TBC1D8B: variants seen among roughly 807,000 people sequenced by gnomAD.
TBC1D8B encodes the protein RP11-321G1.1.
A neutral mutation model predicts 82.9 loss-of-function variants in TBC1D8B; 75 were observed. The observed-to-expected ratio is 0.90, with a 90% CI of 0.75 to 1.10. The LOEUF is 1.10. Ranked by LOEUF, TBC1D8B falls within the 50% of genes least tolerant of loss-of-function variation. The pLI is 0.00. For synonymous variants in TBC1D8B, 276 were observed against 276.8 expected (o/e 1.00, Z 0.03); for missense variants, 794 against 796.9 (o/e 1.00, Z 0.04).
chrX:106,864,512 CTTT>C (rs771983121), intron 14 of TBC1D8B, among the ~76,000 whole-genome samples: 111 of 82,441 alleles, frequency 1.3e-3, no homozygotes, highest in African/African-American at 5.3e-3. Context: ...TGCTGGGCAC[CTTT>C]TTTTTTTTTT....
intron 2 of TBC1D8B, among the ~76,000 whole-genome samples, chrX:106,820,037 T>C (rs1218043375): frequency 9.0e-6 from 1 of 110,839 alleles, no homozygotes; most frequent in Admixed American, 9.7e-5. Flanking sequence ...TTGTAGGAAA[T>C]AGGCCATTTG....
chrX:106,834,371 A>G (rs889082685), intron 7 of TBC1D8B, among the ~76,000 whole-genome samples: 2 of 111,098 alleles, frequency 1.8e-5, no homozygotes, highest in Non-Finnish European at 3.8e-5. Context: ...CCATGATTCA[A>G]TTATCTCCAC....
rs1247529670 is a variant in TBC1D8B at position 106,827,040 on chromosome X, G to A, written c.1036-130G>A. On this transcript the variant is annotated intron_variant, in intron 6 of 20. Coordinates refer to ENST00000357242, the MANE Select transcript of TBC1D8B (RefSeq NM_017752.3). ...ATGATTGGTGCAACTAGTACCCAAAGTCTATTTCTTAATAAGTCATACTAT... is the reference window on the plus strand; with the variant it reads ...ATGATTGGTGCAACTAGTACCCAAAATCTATTTCTTAATAAGTCATACTAT... 7 of 667,603 alleles carry A rather than the reference G, an allele frequency of 1.0e-5. No individual in the cohort carries two copies. In the East Asian group the frequency reaches 2.3e-4, roughly 22 times the overall value. The allele number at this position is 667,603 out of a possible 1,213,427, so 55.0% of individuals were successfully genotyped here. A position where few individuals can be genotyped will look rare whatever the true frequency, so the allele number is the denominator to read the frequency against.
Position 106,865,958 on chromosome X carries a change from G to A in TBC1D8B, c.2587G>A (p.Ala863Thr). 4 of 1,207,615 alleles carry A rather than the reference G, an allele frequency of 3.3e-6. No homozygotes were observed. Among genetic ancestry groups the A allele is most frequent in the Non-Finnish European group, 4.5e-6 (4 of 892,782 alleles). ...WAHSANKDSL[A>T]LWTFRLLDEN... ...TCATTCTGCAAATAAAGACTCACTA[G>A]CTTTATGGACATTCAGATTGTTAGA... Residue 863 changes from alanine (A) to threonine (T), a missense_variant, in exon 16 of 21, where the codon GCT (alanine) becomes ACT (threonine). Physicochemically the swap from Ala to Thr is moderately conservative, Grantham distance 58. Coordinates refer to ENST00000357242, the MANE Select transcript of TBC1D8B (RefSeq NM_017752.3).
chrX:106,839,914 G>C (rs191992069), intron 8 of TBC1D8B, 134 bp from the exon 9 acceptor site: 134 of 583,103 alleles, frequency 2.3e-4, no homozygotes, highest in Non-Finnish European at 3.3e-4. Context: ...TCACCCCTGG[G>C]TGAATACTGA....
At chrX:106,809,653 G>A (rs754060957) in intron 1 of TBC1D8B, among the ~76,000 whole-genome samples, 2 of 110,458 alleles carry the variant, frequency 1.8e-5, no homozygotes, top group Non-Finnish European at 3.8e-5. Context: ...GGAGGCCGAG[G>A]CAGATGTATC....
intron 10 of TBC1D8B, among the ~76,000 whole-genome samples, chrX:106,842,628 TATCTATCTATC>T (rs1932339455): frequency 9.2e-6 from 1 of 108,527 alleles, no homozygotes; most frequent in Admixed American, 1.0e-4. Flanking sequence ...TCTATCTATC[TATCTATCTATC>T]TATCTATCTA....
intron 17 of TBC1D8B, among the ~76,000 whole-genome samples, chrX:106,867,948 T>TA (rs762046892): frequency 1.8e-5 from 2 of 111,303 alleles, no homozygotes; most frequent in South Asian, 7.5e-4. Context: ...AACAGAGGGA[T>TA]AAAAAAATAG....
rs11432144 is a variant in TBC1D8B, at chrX:106,805,072, C to CTTTTTTTTTT, written c.130+2102_130+2111dup. The stretch of plus-strand genomic sequence containing the variant: ...TTTTTTTTAACTTGTTGCAAGTTTC[C>CTTTTTTTTTT]TTTTTTTTTTTTTTTTTTTTTTGTT... On this transcript the variant is annotated intron_variant, in intron 1 of 20. Transcript: ENST00000357242. Among the ~76,000 whole-genome samples, 153 of 54,575 alleles carry CTTTTTTTTTT rather than the reference C, an allele frequency of 2.8e-3. 2 individuals are homozygous for CTTTTTTTTTT. The highest frequency in any genetic ancestry group is 8.4e-3 in the African/African-American group (106 of 12,658). The allele number at this position is 54,575 out of a possible 115,157, so 47.4% of individuals were successfully genotyped here. A position where few individuals can be genotyped will look rare whatever the true frequency, so the allele number is the denominator to read the frequency against.
chrX:106,854,262 T>C lies in TBC1D8B; in HGVS notation c.2318T>C (p.Ile773Thr), dbSNP rs765963353. 3.4e-6 allele frequency: 4 copies of C among 1,190,592 alleles called. No homozygotes were observed. Among genetic ancestry groups the C allele is most frequent in the African/African-American group, 3.6e-5 (2 of 56,095 alleles). Residue 773 changes from isoleucine to threonine, a missense_variant, in exon 14 of 21, where the codon ATA becomes ACA. Ile to Thr is a moderately conservative substitution (Grantham distance 89). Coordinates refer to ENST00000357242, the MANE Select transcript of TBC1D8B (RefSeq NM_017752.3). ...CGCTGTCGAAATAGGTTGTATGTGA[T>C]ACAGACCCTAGAGGAAACAACAAAA... ...SMRCRNRLYV[I>T]QTLEETTKQN...
rs756464220 is a variant in TBC1D8B, at chrX:106,823,216, T to A, written c.587-10T>A. On this transcript the variant is annotated splice_polypyrimidine_tract_variant and intron_variant, in intron 4 of 20. Coordinates refer to ENST00000357242, the MANE Select transcript of TBC1D8B (RefSeq NM_017752.3). ...ATTTAATCATACCTGCTTATACCTC[T>A]TATTTGCAGTAAAACTCATTATCTC... 14 of 1,201,784 alleles carry A rather than the reference T, an allele frequency of 1.2e-5. 1 individual carries two copies. Among genetic ancestry groups the A allele is most frequent in the Non-Finnish European group, 1.6e-5 (14 of 888,802 alleles).
intron 12 of TBC1D8B, among the ~76,000 whole-genome samples, chrX:106,851,904 A>T (rs1297019957): frequency 9.0e-6 from 1 of 111,186 alleles, no homozygotes; most frequent in Non-Finnish European, 1.9e-5. Flanking sequence ...TAGCAGCATG[A>T]TTTATAATCC....
At position 106,827,213 on chromosome X, in the gene TBC1D8B, T is replaced by G. The variant is rs994504771; in HGVS notation, c.1079T>G (p.Ile360Ser). ...DKTNDSSKSVIISIKGKTAFR... is the reference protein window; with the variant it reads ...DKTNDSSKSVSISIKGKTAFR... ...ACAAATGATTCCAGCAAATCTGTCA[T>G]CATTAGCATCAAAGGAAAAACAGCT... Residue 360 changes from isoleucine (I) to serine (S), a missense_variant, in exon 7 of 21, where the codon ATC becomes AGC. By Grantham distance (142) the Ile-to-Ser change is moderately radical. Transcript: ENST00000357242. The G allele has an allele frequency of 1.7e-6, 2 of 1,209,612 alleles. No individual in the cohort carries two copies. Among genetic ancestry groups the G allele is most frequent in the African/African-American group, 3.5e-5 (2 of 57,241 alleles).
chrX:106,824,297 G>A (rs1306340700), intron 5 of TBC1D8B, among the ~76,000 whole-genome samples: 2 of 111,018 alleles, frequency 1.8e-5, no homozygotes, highest in Non-Finnish European at 3.8e-5. Flanking sequence ...AGGAACCTAA[G>A]CCAAAGTCCT....
At chrX:106,834,002 C>T (rs1172516968) in intron 7 of TBC1D8B, among the ~76,000 whole-genome samples, 1 of 109,943 alleles carries the variant, frequency 9.1e-6, no homozygotes, top group East Asian at 2.9e-4. Flanking sequence ...CAATTTGAGA[C>T]CTATACTCTC....
At chrX:106,853,140 A>T (rs1278158539) in intron 12 of TBC1D8B, among the ~76,000 whole-genome samples, 4 of 111,032 alleles carry the variant, frequency 3.6e-5, no homozygotes, top group African/African-American at 1.3e-4. Context: ...GGTCCTTCAC[A>T]TCCCTTGTAA....
chrX:106,867,528 C>T lies in TBC1D8B; in HGVS notation c.2728+666C>T, dbSNP rs142934518. On this transcript the variant is annotated intron_variant, in intron 17 of 20. Transcript: ENST00000357242. ...TTCTTTATATTCTTCCGTACTACCTCAAAATTACCACACCATTCAGTTTAC... is the reference window on the plus strand; with the variant it reads ...TTCTTTATATTCTTCCGTACTACCTTAAAATTACCACACCATTCAGTTTAC... Among the ~76,000 whole-genome samples the T allele has an allele frequency of 7.9e-3, 886 of 111,771 alleles. 7 individuals carry two copies. Among genetic ancestry groups the T allele is most frequent in the Middle Eastern group, 0.014 (3 of 219 alleles).
intron 2 of TBC1D8B, among the ~76,000 whole-genome samples, chrX:106,820,193 T>TTGATAG (rs1296060801): frequency 9.0e-6 from 1 of 111,188 alleles, no homozygotes; most frequent in Admixed American, 9.7e-5. Flanking sequence ...GATTGATAGA[T>TTGATAG]ACTGAAATAT....
Position 106,866,876 on chromosome X carries a change from A to C in TBC1D8B, c.2728+14A>C. ...ATATTCCTCCAGGTAAGAGTTTACCAGTCTTTAACGATGTACAGCAGGAAT... is the reference window on the plus strand; with the variant it reads ...ATATTCCTCCAGGTAAGAGTTTACCCGTCTTTAACGATGTACAGCAGGAAT... On this transcript the variant is annotated intron_variant, in intron 17 of 20. Transcript: ENST00000357242. 8.9e-7 allele frequency: 1 copy of C among 1,128,694 alleles called. No individual in the cohort carries two copies. Among genetic ancestry groups the C allele is most frequent in the Admixed American group, 2.6e-5 (1 of 38,966 alleles). 93.0% of individuals were successfully genotyped at this position (1,128,694 alleles called of 1,213,427 possible). A position where few individuals can be genotyped will look rare whatever the true frequency, so the allele number is the denominator to read the frequency against.
Sources: gnomAD v4.1 joint callset for allele counts (sites outside exome capture counted in the v4.1 genomes callset) on GRCh38, gnomAD v4.1.1 for gene constraint, MANE v1.5 for transcripts, NCBI Gene and HGNC (gene_info 2026-07-23, HGNC 2026-07-21) for gene names.